Variants in GANC observed in about 807,000 individuals in gnomAD.
GANC encodes the protein glucosidase alpha, neutral C.
Under a neutral mutation model 124.2 loss-of-function variants are expected in GANC, and 117 were observed. The ratio of observed to expected loss-of-function variants is 0.94; its 90% CI spans 0.81 to 1.10. The LOEUF (loss-of-function observed/expected upper bound fraction) is 1.10, where lower values mean the gene tolerates loss of function less well. GANC is among the 50% of genes least tolerant of loss of function. The pLI, the probability that GANC is intolerant of heterozygous loss-of-function variation, is 0.00. For missense variants in GANC, 1,140 were observed against 1,095.0 expected, an observed-to-expected ratio of 1.04 and a Z score of -0.58; for synonymous variants, 377 against 376.8, an observed-to-expected ratio of 1.00 and a Z score of -0.01.
In GANC at chr15:42,347,798, T is replaced by C. The variant is rs35022353; in HGVS notation, c.2305-305T>C. On this transcript the variant is annotated intron_variant, in intron 20 of 23. Coordinates refer to ENST00000318010, the MANE Select transcript of GANC (RefSeq NM_198141.3). The stretch of plus-strand genomic sequence containing the variant: ...AATACAAAATAGGAAAAGCCACTTA[T>C]AGGATGGGCAGAAAGGAATTCATCA... Among the ~76,000 whole-genome samples, 989 of 152,284 alleles carry C rather than the reference T, an allele frequency of 6.5e-3. 9 individuals are homozygous for C. Among genetic ancestry groups the C allele is most frequent in the Non-Finnish European group, 0.01 (694 of 68,024 alleles).
At chr15:42,278,666 A>G in intron 3 of GANC, 76 bp downstream of exon 3, 1 of 1,029,596 alleles carries the variant, frequency 9.7e-7, no homozygotes, top group Non-Finnish European at 1.5e-6. Flanking sequence ...AATTAAAGCT[A>G]TGTATGCTTC....
chr15:42,298,598 G>A (rs1251660957), intron 6 of GANC, among the ~76,000 whole-genome samples: 2 of 152,216 alleles, frequency 1.3e-5, no homozygotes, highest in African/African-American at 4.8e-5. Flanking sequence ...GTTGAATTGT[G>A]AAGAATGGAC....
intron 3 of GANC, among the ~76,000 whole-genome samples, chr15:42,285,443 G>T (rs1390221196): frequency 6.6e-6 from 1 of 152,192 alleles, no homozygotes; most frequent in Non-Finnish European, 1.5e-5. Context: ...CAGATCATAG[G>T]AGGAAATGCA....
At chr15:42,308,783 C>T (rs907677242) in intron 8 of GANC, among the ~76,000 whole-genome samples, 2 of 152,000 alleles carry the variant, frequency 1.3e-5, no homozygotes, top group African/African-American at 4.8e-5. Context: ...CCGTGCCTGG[C>T]CGGTTTTCCA....
intron 10 of GANC, chr15:42,314,275 A>G (rs2052083677): frequency 1.5e-6 from 1 of 647,310 alleles, no homozygotes; most frequent in African/African-American, 1.8e-5. Context: ...TGATGAGGAA[A>G]GGGGGCATTT....
rs542769261 is a variant in GANC, at chr15:42,274,027, A to G, written c.-455A>G. 1 of 238,050 alleles carries G rather than the reference A, an allele frequency of 4.2e-6. No homozygotes were observed. The highest frequency in any genetic ancestry group is 2.4e-5 in the African/African-American group (1 of 42,036). 14.7% of individuals were successfully genotyped at this position (238,050 alleles called of 1,614,324 possible). A position where few individuals can be genotyped will look rare whatever the true frequency, so the allele number is the denominator to read the frequency against. On this transcript the variant is annotated 5_prime_UTR_variant, in exon 1 of 24. Coordinates refer to ENST00000318010, the MANE Select transcript of GANC (RefSeq NM_198141.3). ...GGCCGGCACTTCCCACCCTTAACCG[A>G]AAACGGAGACAGAGAGGGTCAGTTT...
At chr15:42,333,585 T>C (rs1429587263) in intron 15 of GANC, among the ~76,000 whole-genome samples, 4 of 152,176 alleles carry the variant, frequency 2.6e-5, no homozygotes, top group Non-Finnish European at 4.4e-5. Flanking sequence ...GTGCCTGGGC[T>C]CAAATCCTGC....
intron 5 of GANC, among the ~76,000 whole-genome samples, chr15:42,297,363 A>G (rs963474476): frequency 1.3e-5 from 2 of 152,124 alleles, no homozygotes; most frequent in Non-Finnish European, 2.9e-5. Context: ...AGATCTCACT[A>G]TGTTACCCAG....
chr15:42,281,737 AACTT>A (rs2051736393), intron 3 of GANC, among the ~76,000 whole-genome samples: 1 of 152,220 alleles, frequency 6.6e-6, no homozygotes, highest in Admixed American at 6.5e-5. Flanking sequence ...ATTACAGATT[AACTT>A]ACTTATGAAC....
chr15:42,352,524 C>T lies in GANC; in HGVS notation c.*385C>T. On this transcript the variant is annotated 3_prime_UTR_variant, in exon 24 of 24. Coordinates refer to ENST00000318010, the MANE Select transcript of GANC (RefSeq NM_198141.3). ...CCTCAGGCCATGCAGCATTGGCGCT[C>T]TGGCTGCAGCAGCTGAGTTGCTCAA... 9.7e-7 allele frequency: 1 copy of T among 1,034,684 alleles called. No homozygotes were observed. Among genetic ancestry groups the T allele is most frequent in the Non-Finnish European group, 1.2e-6 (1 of 858,632 alleles). 64.1% of individuals were successfully genotyped at this position (1,034,684 alleles called of 1,614,324 possible).
At chr15:42,308,506 CAG>C (rs1231097845) in intron 8 of GANC, among the ~76,000 whole-genome samples, 188 bp downstream of exon 8, 1 of 151,996 alleles carries the variant, frequency 6.6e-6, no homozygotes, top group Non-Finnish European at 1.5e-5. Context: ...TTTTTTGAGA[CAG>C]AGTCTTGCTC....
chr15:42,349,001 G>A (rs182887229), intron 21 of GANC, among the ~76,000 whole-genome samples: 1 of 152,272 alleles, frequency 6.6e-6, no homozygotes, highest in Admixed American at 6.5e-5. Flanking sequence ...TGAGTGGAGG[G>A]TCTTCTAAAG....
intron 6 of GANC, among the ~76,000 whole-genome samples, chr15:42,298,300 G>A (rs535948734): frequency 1.3e-5 from 2 of 152,266 alleles, no homozygotes; most frequent in East Asian, 1.9e-4. Flanking sequence ...AAAGGGGAGG[G>A]TGGTATGTAA....
intron 10 of GANC, among the ~76,000 whole-genome samples, chr15:42,321,132 G>A (rs898312119): frequency 2.0e-5 from 3 of 152,136 alleles, no homozygotes; most frequent in African/African-American, 7.2e-5. Context: ...CCCAACTTCA[G>A]TTTCTTTACC....
At chr15:42,320,628 T>TTTTTTTTTTTTTTTTTTTG (rs2052148188) in intron 10 of GANC, among the ~76,000 whole-genome samples, 1 of 152,166 alleles carries the variant, frequency 6.6e-6, no homozygotes, top group African/African-American at 2.4e-5. Flanking sequence ...TTTGTATTTT[T>TTTTTTTTTTTTTTTTTTTG]AGTAGAGACG....
At chr15:42,309,683 G>A (rs1363616458) in intron 8 of GANC, among the ~76,000 whole-genome samples, 3 of 151,978 alleles carry the variant, frequency 2.0e-5, no homozygotes, top group Non-Finnish European at 2.9e-5. Flanking sequence ...CTTGCTGTGT[G>A]CTTGCTATTG....
chr15:42,347,166 T>C (rs1004153626), intron 20 of GANC, among the ~76,000 whole-genome samples: 10 of 148,604 alleles, frequency 6.7e-5, no homozygotes, highest in Non-Finnish European at 1.0e-4. Context: ...CTTATGGCCT[T>C]GTTCTTTGAA....
chr15:42,289,753 A>G (rs1314952290), intron 4 of GANC, among the ~76,000 whole-genome samples: 1 of 152,194 alleles, frequency 6.6e-6, no homozygotes, highest in Non-Finnish European at 1.5e-5. Flanking sequence ...GTGTTATCCC[A>G]AAATTCAGGT....
intron 6 of GANC, among the ~76,000 whole-genome samples, chr15:42,303,176 C>G (rs951543267): frequency 1.3e-5 from 2 of 152,196 alleles, no homozygotes; most frequent in Non-Finnish European, 2.9e-5. Context: ...GCCCTACAAG[C>G]CAGAAGAGAG....
Sources: allele counts gnomAD v4.1 joint callset (sites outside exome capture counted in the v4.1 genomes callset), GRCh38; gene constraint gnomAD v4.1.1; transcripts MANE v1.5; gene names NCBI Gene and HGNC (gene_info 2026-07-23, HGNC 2026-07-21).